The following MAP4K4 variants were observed in gnomAD, a reference collection of about 807,000 sequenced individuals.
MAP4K4 encodes HPK/GCK-like kinase HGK.
Under a neutral mutation model 189.6 loss-of-function variants are expected in MAP4K4, and 38 were observed. That is an observed-to-expected ratio of 0.20 (90% CI 0.15 to 0.26). MAP4K4 has a LOEUF of 0.26. MAP4K4 is among the 10% of genes least tolerant of loss of function. The pLI, the probability that MAP4K4 is intolerant of heterozygous loss-of-function variation, is 1.00. For synonymous variants in MAP4K4, 610 were observed against 624.3 expected (o/e 0.98, Z 0.34); for missense variants, 1,054 against 1,726.9 (o/e 0.61, Z 6.91).
Position 101,883,909 on chromosome 2 carries a change from G to A in MAP4K4, c.3520+1224G>A, listed in dbSNP as rs562705433. ...AACTATCTGCTTAGGATAGATTTTA[G>A]GATTAGGGTTTTCTGTGTTTATGTG... On this transcript the variant is annotated intron_variant, in intron 28 of 32. Coordinates refer to ENST00000324219, the Ensembl canonical transcript of MAP4K4. 5.9e-5 allele frequency among the ~76,000 whole-genome samples: 9 copies of A among 152,082 alleles called. No homozygotes were observed. The South Asian group carries it at 1.9e-3, about 32-fold the overall frequency.
chr2:101,768,996 G>T (rs1167275704), intron 2 of MAP4K4, among the ~76,000 whole-genome samples: 3 of 152,218 alleles, frequency 2.0e-5, no homozygotes, highest in Non-Finnish European at 2.9e-5. Context: ...AGAAGAATCT[G>T]TGAGGGTCTG....
At chr2:101,790,722 T>A (rs1312042594) in exon 3 of MAP4K4, 2 of 1,608,530 alleles carry the variant, frequency 1.2e-6, no homozygotes, top group Middle Eastern at 1.7e-4. Context: ...TTTTTCAGGG[T>A]CGACATGTTA....
At chr2:101,841,710 G>T (rs1375751552) in intron 10 of MAP4K4, among the ~76,000 whole-genome samples, 1 of 152,030 alleles carries the variant, frequency 6.6e-6, no homozygotes, top group East Asian at 1.9e-4. Context: ...CTCGTGATCT[G>T]CCCGCCTCAG....
chr2:101,760,530 A>ATGTGTGTG (rs34293909), intron 2 of MAP4K4, among the ~76,000 whole-genome samples: 34 of 138,690 alleles, frequency 2.5e-4, no homozygotes, highest in East Asian at 4.1e-4. Flanking sequence ...ATATGTATAT[A>ATGTGTGTG]TGTGTGTGTG....
At chr2:101,713,629 T>G (rs111258964) in intron 2 of MAP4K4, among the ~76,000 whole-genome samples, 2,206 of 144,720 alleles carry the variant, frequency 0.015, 61 homozygotes, top group African/African-American at 0.054. Context: ...GTGCGATGGC[T>G]CAGGCCTGTA....
At position 101,790,700 on chromosome 2, in the gene MAP4K4, C is replaced by G. The variant is rs1375433291; in HGVS notation, c.124-20C>G. On this transcript the variant is annotated intron_variant, in intron 2 of 32. Coordinates refer to ENST00000324219, the Ensembl canonical transcript of MAP4K4. ...AAAAAAATTGGTGCTGATTTTTGATCTATTTTTTCTGTTTTTCAGGGTCGA... is the reference window on the plus strand; with the variant it reads ...AAAAAAATTGGTGCTGATTTTTGATGTATTTTTTCTGTTTTTCAGGGTCGA... 1.3e-6 allele frequency: 2 copies of G among 1,592,948 alleles called. No homozygotes were observed. The highest frequency in any genetic ancestry group is 1.7e-6 in the Non-Finnish European group (2 of 1,166,464).
At chr2:101,817,921 A>G (rs190100049) in intron 3 of MAP4K4, among the ~76,000 whole-genome samples, 1 of 152,086 alleles carries the variant, frequency 6.6e-6, no homozygotes, top group East Asian at 1.9e-4. Context: ...AGGAACATGT[A>G]ATTTCTTCCT....
intron 2 of MAP4K4, among the ~76,000 whole-genome samples, chr2:101,783,465 G>C (rs1440688095): frequency 6.6e-6 from 1 of 152,138 alleles, no homozygotes; most frequent in African/African-American, 2.4e-5. Flanking sequence ...GTAATTCCCA[G>C]ACTTCAGAGT....
intron 2 of MAP4K4, among the ~76,000 whole-genome samples, chr2:101,787,116 G>C (rs534028004): frequency 6.6e-6 from 1 of 152,256 alleles, no homozygotes; most frequent in South Asian, 2.1e-4. Flanking sequence ...GGAAAAAAAA[G>C]ACCCTGTTAA....
At chr2:101,855,833 T>C in intron 12 of MAP4K4, 144 bp from the exon 13 acceptor site, 1 of 673,226 alleles carries the variant, frequency 1.5e-6, no homozygotes, top group Non-Finnish European at 2.5e-6. Flanking sequence ...CGAGGGGCAG[T>C]GTGGAAATAA....
intron 3 of MAP4K4, among the ~76,000 whole-genome samples, chr2:101,810,984 A>G (rs191849096): frequency 9.8e-4 from 149 of 152,314 alleles, no homozygotes; most frequent in African/African-American, 3.5e-3. Context: ...GAGGCTGCCA[A>G]TTTATACTGA....
At chr2:101,768,715 G>A (rs553224527) in intron 2 of MAP4K4, among the ~76,000 whole-genome samples, 1 of 152,332 alleles carries the variant, frequency 6.6e-6, no homozygotes, top group East Asian at 1.9e-4. Context: ...TTTCCAGCCA[G>A]TATCAGTGAT....
chr2:101,728,166 CA>C (rs1360090090), intron 2 of MAP4K4, among the ~76,000 whole-genome samples: 1 of 152,134 alleles, frequency 6.6e-6, no homozygotes. Flanking sequence ...GCGTGGATCC[CA>C]AAGTACAGAT....
intron 3 of MAP4K4, among the ~76,000 whole-genome samples, chr2:101,797,840 G>A (rs147419423): frequency 2.2e-4 from 23 of 103,116 alleles, no homozygotes; most frequent in Non-Finnish European, 3.8e-4. Flanking sequence ...TCAACCTTCC[G>A]TTTTTTTGAC....
intron 25 of MAP4K4, 90 bp downstream of exon 25, chr2:101,873,854 C>G (rs2098123193): frequency 2.1e-6 from 2 of 962,848 alleles, no homozygotes; most frequent in Admixed American, 2.2e-5. Flanking sequence ...GCTGGTTGTT[C>G]ACAGGCACAG....
chr2:101,874,066 A>G lies in MAP4K4; in HGVS notation c.3071-16A>G, dbSNP rs2098130751. 1 of 1,609,334 alleles carries G rather than the reference A, an allele frequency of 6.2e-7. No individual in the cohort carries two copies. ...GTGTGTGTACAGAAAATAATTTCAAATATATTGTGTTTCAGTGGGATTTTC... is the reference window on the plus strand; with the variant it reads ...GTGTGTGTACAGAAAATAATTTCAAGTATATTGTGTTTCAGTGGGATTTTC... On this transcript the variant is annotated splice_polypyrimidine_tract_variant and intron_variant, in intron 25 of 32. Coordinates refer to ENST00000324219, the Ensembl canonical transcript of MAP4K4.
At chr2:101,819,529 C>A (rs1384313363) in intron 3 of MAP4K4, among the ~76,000 whole-genome samples, 1 of 152,088 alleles carries the variant, frequency 6.6e-6, no homozygotes, top group Non-Finnish European at 1.5e-5. Context: ...ATTTTAAAAT[C>A]ATAAAATCAA....
intron 9 of MAP4K4, among the ~76,000 whole-genome samples, chr2:101,837,485 G>A (rs534310245): frequency 2.6e-5 from 4 of 151,880 alleles, no homozygotes; most frequent in African/African-American, 9.7e-5. Context: ...CATTTACCCC[G>A]TGTTTAGAAT....
chr2:101,770,970 A>G (rs1391218529), intron 2 of MAP4K4, among the ~76,000 whole-genome samples: 1 of 152,182 alleles, frequency 6.6e-6, no homozygotes, highest in Non-Finnish European at 1.5e-5. Context: ...TACCTGATTG[A>G]TTCATTCAGT....
Sources: gnomAD v4.1 joint callset for allele counts (sites outside exome capture counted in the v4.1 genomes callset) on GRCh38, gnomAD v4.1.1 for gene constraint, MANE v1.5 for transcripts, NCBI Gene and HGNC (gene_info 2026-07-23, HGNC 2026-07-21) for gene names.